Variants in TMEM132C observed in about 807,000 individuals in gnomAD.
TMEM132C encodes protein phosphatase 1, regulatory subunit 152.
In TMEM132C, 29 loss-of-function variants were observed where a neutral mutation model predicts 61.4. The observed-to-expected ratio is 0.47, with a 90% CI of 0.35 to 0.64. The LOEUF is 0.64. Ranked by LOEUF, TMEM132C falls within the 30% of genes least tolerant of loss-of-function variation. The probability of loss-of-function intolerance (pLI) is 0.00; values close to 1 mark genes in which losing one functional copy is unlikely to be tolerated. For missense variants in TMEM132C, 1,408 were observed against 1,476.9 expected (o/e 0.95, Z 0.76); for synonymous variants, 656 against 633.1 (o/e 1.04, Z -0.54).
chr12:128,566,189 C>CAAA (rs59258589), intron 3 of TMEM132C, among the ~76,000 whole-genome samples: 997 of 67,806 alleles, frequency 0.015, 52 homozygotes, highest in African/African-American at 0.047. Flanking sequence ...CAAGCCTAAC[C>CAAA]AAAAAAAAAA....
At chr12:128,370,483 G>A (rs1873997025) in intron 1 of TMEM132C, among the ~76,000 whole-genome samples, 1 of 151,982 alleles carries the variant, frequency 6.6e-6, no homozygotes, top group Non-Finnish European at 1.5e-5. Flanking sequence ...CAGCAGCAAA[G>A]CAAAGGTGAA....
chr12:128,432,328 A>G (rs372076614), intron 2 of TMEM132C, among the ~76,000 whole-genome samples: 2 of 152,246 alleles, frequency 1.3e-5, no homozygotes, highest in African/African-American at 4.8e-5. Context: ...GTATGGCTGT[A>G]GCTGCCATAG....
At chr12:128,327,110 A>T (rs1000026281) in intron 1 of TMEM132C, among the ~76,000 whole-genome samples, 4 of 150,044 alleles carry the variant, frequency 2.7e-5, no homozygotes, top group African/African-American at 1.0e-4. Context: ...CCAGACCCAG[A>T]TGGAGTGATT....
At chr12:128,363,845 GAAA>G (rs528314942) in intron 1 of TMEM132C, among the ~76,000 whole-genome samples, 3 of 101,388 alleles carry the variant, frequency 3.0e-5, no homozygotes, top group Non-Finnish European at 3.9e-5. Flanking sequence ...ACTCTGTCTC[GAAA>G]AAAAAAAAAA....
intron 1 of TMEM132C, among the ~76,000 whole-genome samples, chr12:128,331,457 C>T (rs535013359): frequency 6.6e-6 from 1 of 152,070 alleles, no homozygotes; most frequent in African/African-American, 2.4e-5. Context: ...TCTATGATTC[C>T]ACTCTCTACA....
At chr12:128,572,675 C>T (rs1355006637) in intron 3 of TMEM132C, among the ~76,000 whole-genome samples, 1 of 151,790 alleles carries the variant, frequency 6.6e-6, no homozygotes, top group African/African-American at 2.4e-5. Flanking sequence ...ACTGTGGCCT[C>T]TGCTGGCCTC....
At chr12:128,516,701 C>T (rs1422237971) in intron 2 of TMEM132C, among the ~76,000 whole-genome samples, 1 of 152,000 alleles carries the variant, frequency 6.6e-6, no homozygotes, top group Non-Finnish European at 1.5e-5. Context: ...CGCTTGAGGC[C>T]AGAAGTTCAA....
At chr12:128,307,629 G>A (rs992039443) in intron 1 of TMEM132C, among the ~76,000 whole-genome samples, 5 of 152,072 alleles carry the variant, frequency 3.3e-5, no homozygotes, top group East Asian at 1.9e-4. Context: ...ATTATTCCTC[G>A]ATGTCTATTA....
At chr12:128,674,710 G>C (rs987292015) in intron 5 of TMEM132C, among the ~76,000 whole-genome samples, 3 of 152,126 alleles carry the variant, frequency 2.0e-5, no homozygotes, top group African/African-American at 7.2e-5. Flanking sequence ...TTGGCGTACA[G>C]GTGGTATTTG....
chr12:128,432,657 CAAAG>C (rs1262263187), intron 2 of TMEM132C, among the ~76,000 whole-genome samples: 1 of 152,064 alleles, frequency 6.6e-6, no homozygotes, highest in Non-Finnish European at 1.5e-5. Flanking sequence ...TGCAGATGAG[CAAAG>C]AAAGTGTTTT....
intron 2 of TMEM132C, among the ~76,000 whole-genome samples, chr12:128,464,832 C>T (rs1022920786): frequency 8.0e-6 from 1 of 125,144 alleles, no homozygotes; most frequent in African/African-American, 3.3e-5. Context: ...AAATAGAATA[C>T]AAAATATAAC....
intron 1 of TMEM132C, among the ~76,000 whole-genome samples, chr12:128,392,644 A>G (rs1874805781): frequency 6.6e-6 from 1 of 152,188 alleles, no homozygotes; most frequent in African/African-American, 2.4e-5. Context: ...ACAGGCAAAC[A>G]GGTGATATTC....
At chr12:128,337,424 G>A (rs1002073718) in intron 1 of TMEM132C, among the ~76,000 whole-genome samples, 1 of 152,168 alleles carries the variant, frequency 6.6e-6, no homozygotes, top group African/African-American at 2.4e-5. Flanking sequence ...AAAAGGCTTT[G>A]GAAATGTGTG....
intron 2 of TMEM132C, among the ~76,000 whole-genome samples, chr12:128,433,204 ATGTT>A (rs1869455284): frequency 6.6e-6 from 1 of 152,116 alleles, no homozygotes; most frequent in Non-Finnish European, 1.5e-5. Flanking sequence ...CAAAAAAAAA[ATGTT>A]TGACTCACTT....
In TMEM132C at chr12:128,605,586, G is replaced by A. The variant is rs2135576844; in HGVS notation, c.1122-10566G>A. ...CCCTCACAGAGACCAGATGGGGCAG[G>A]AGGACAGGGGTGCATTACGGATCTG... On this transcript the variant is annotated intron_variant, in intron 3 of 8. Coordinates refer to ENST00000435159, the MANE Select transcript of TMEM132C (RefSeq NM_001136103.3). 2.0e-5 allele frequency among the ~76,000 whole-genome samples: 3 copies of A among 152,296 alleles called. No homozygotes were observed. The East Asian group carries it at 5.8e-4, about 29-fold the overall frequency.
intron 2 of TMEM132C, among the ~76,000 whole-genome samples, chr12:128,533,387 A>C (rs1202752863): frequency 1.3e-5 from 2 of 152,136 alleles, no homozygotes; most frequent in Non-Finnish European, 2.9e-5. Context: ...TCATGTTAGC[A>C]ACTGTATCCA....
chr12:128,456,001 G>C (rs1426534976), intron 2 of TMEM132C, among the ~76,000 whole-genome samples: 1 of 152,200 alleles, frequency 6.6e-6, no homozygotes, highest in Non-Finnish European at 1.5e-5. Context: ...TCTACTACCA[G>C]ATGGCAAATA....
intron 8 of TMEM132C, among the ~76,000 whole-genome samples, chr12:128,699,441 G>A (rs942775667): frequency 1.3e-5 from 2 of 152,156 alleles, no homozygotes; most frequent in African/African-American, 2.4e-5. Flanking sequence ...TGCAGTTATA[G>A]GACTGAGGTT....
At chr12:128,704,249 A>T (rs2135662822) in intron 8 of TMEM132C, among the ~76,000 whole-genome samples, 1 of 151,906 alleles carries the variant, frequency 6.6e-6, no homozygotes, top group East Asian at 1.9e-4. Flanking sequence ...CATAAAGTCA[A>T]TTTTTTTTTA....
Sources: allele counts gnomAD v4.1 joint callset (sites outside exome capture counted in the v4.1 genomes callset), GRCh38; gene constraint gnomAD v4.1.1; transcripts MANE v1.5; gene names NCBI Gene and HGNC (gene_info 2026-07-23, HGNC 2026-07-21).